The following MAJIN variants were observed in gnomAD, a reference collection of about 807,000 sequenced individuals.
MAJIN encodes the protein membrane-anchored junction protein.
Under a neutral mutation model 30.2 loss-of-function variants are expected in MAJIN, and 27 were observed. The ratio of observed to expected loss-of-function variants is 0.89; its 90% CI spans 0.66 to 1.23. The LOEUF (loss-of-function observed/expected upper bound fraction) is 1.23, where lower values mean the gene tolerates loss of function less well. Among genes scored for constraint, MAJIN ranks in the 50% most tolerant of loss-of-function variants. The probability of loss-of-function intolerance (pLI) is 0.00; values close to 1 mark genes in which losing one functional copy is unlikely to be tolerated. For synonymous variants in MAJIN, 78 were observed against 91.6 expected (o/e 0.85, Z 0.85); for missense variants, 253 against 260.3 (o/e 0.97, Z 0.19).
At chr11:64,954,143 C>A (rs1945596170) in intron 4 of MAJIN, 2 of 159,402 alleles carry the variant, frequency 1.3e-5, no homozygotes, top group South Asian at 3.5e-4. Context: ...AACGGTCACA[C>A]AGCTAAGTGG....
At chr11:64,943,803 T>C (rs1029995118) in intron 8 of MAJIN, among the ~76,000 whole-genome samples, 1 of 152,112 alleles carries the variant, frequency 6.6e-6, no homozygotes, top group Non-Finnish European at 1.5e-5. Flanking sequence ...GCGAGGAAAA[T>C]GTTCCTTTAA....
At chr11:64,949,058 C>G (rs1033578786) in intron 6 of MAJIN, among the ~76,000 whole-genome samples, 1 of 151,062 alleles carries the variant, frequency 6.6e-6, no homozygotes, top group Non-Finnish European at 1.5e-5. Context: ...CACAGTGGCT[C>G]ATGCCTGTAA....
intron 1 of MAJIN, among the ~76,000 whole-genome samples, chr11:64,968,548 C>T (rs563134749): frequency 6.6e-6 from 1 of 151,760 alleles, no homozygotes; most frequent in Non-Finnish European, 1.5e-5. Context: ...AAGCATGAGC[C>T]ATCAGGCCAG....
chr11:64,943,293 C>A (rs187863371), intron 8 of MAJIN, among the ~76,000 whole-genome samples: 45 of 152,310 alleles, frequency 3.0e-4, no homozygotes, highest in African/African-American at 9.6e-4. Context: ...CTTCCAAAGT[C>A]TGGATCTCTA....
chr11:64,938,347 G>T lies in MAJIN; in HGVS notation c.*228C>A. Reference sequence around the variant, plus strand: ...GTTCCATTCTTAATGTTTTAAATTGGGGGAAAAAATCTATTATAAAGGGGC... The same window carrying T: ...GTTCCATTCTTAATGTTTTAAATTGTGGGAAAAAATCTATTATAAAGGGGC... On this transcript the variant is annotated 3_prime_UTR_variant, in exon 11 of 11. Transcript: ENST00000301896. 1 of 639,870 alleles carries T rather than the reference G, an allele frequency of 1.6e-6. No individual in the cohort carries two copies. Among genetic ancestry groups the T allele is most frequent in the Non-Finnish European group, 2.6e-6 (1 of 385,860 alleles). 39.6% of individuals were successfully genotyped at this position (639,870 alleles called of 1,614,324 possible). A position where few individuals can be genotyped will look rare whatever the true frequency, so the allele number is the denominator to read the frequency against.
In MAJIN at chr11:64,940,659, A is replaced by C. The variant is rs920653652; in HGVS notation, c.474-13T>G. The C allele has an allele frequency of 6.2e-7, 1 of 1,613,024 alleles. No individual in the cohort carries two copies. Among genetic ancestry groups the C allele is most frequent in the Non-Finnish European group, 8.5e-7 (1 of 1,179,082 alleles). On this transcript the variant is annotated splice_polypyrimidine_tract_variant and intron_variant, in intron 8 of 10. Coordinates refer to ENST00000301896, the MANE Select transcript of MAJIN (RefSeq NM_001037225.3). The stretch of plus-strand genomic sequence containing the variant: ...TTCTTTCCCTATTCTGTTAAAAAGA[A>C]GACCAAGAAAAGCCTTAAACTTTCC...
At chr11:64,941,124 C>A (rs998570788) in intron 8 of MAJIN, among the ~76,000 whole-genome samples, 15 of 152,226 alleles carry the variant, frequency 9.9e-5, no homozygotes, top group African/African-American at 3.6e-4. Context: ...AGGCGTGAGC[C>A]ACCGTGCCCA....
At chr11:64,949,970 A>C in intron 5 of MAJIN, 102 bp from the exon 6 acceptor site, 1 of 1,438,988 alleles carries the variant, frequency 6.9e-7, no homozygotes. Context: ...TACCCTCCAA[A>C]CTGCCTATGG....
At chr11:64,964,443 C>T (rs1370450040) in intron 1 of MAJIN, among the ~76,000 whole-genome samples, 1 of 152,086 alleles carries the variant, frequency 6.6e-6, no homozygotes, top group African/African-American at 2.4e-5. Flanking sequence ...CAAGATTAGC[C>T]CCTCAAGATT....
chr11:64,960,846 AC>A (rs889998713), intron 1 of MAJIN, among the ~76,000 whole-genome samples: 7 of 152,320 alleles, frequency 4.6e-5, no homozygotes, highest in African/African-American at 1.7e-4. Context: ...GTAAAGAGAT[AC>A]CCCAGTATCT....
At chr11:64,969,648 C>A (rs1247892378) in intron 1 of MAJIN, among the ~76,000 whole-genome samples, 1 of 151,792 alleles carries the variant, frequency 6.6e-6, no homozygotes, top group African/African-American at 2.4e-5. Flanking sequence ...AAAAGGTGAA[C>A]TGATTTGGAA....
intron 7 of MAJIN, 131 bp downstream of exon 7, chr11:64,947,655 TTA>T (rs757286715): frequency 3.7e-6 from 4 of 1,090,026 alleles, no homozygotes; most frequent in Non-Finnish European, 5.6e-6. Flanking sequence ...AAATATGGTC[TTA>T]TGTTTACAAT....
Position 64,940,835 on chromosome 11 carries a change from C to CTTTTTTTTTTTTTTTT in MAJIN, c.474-205_474-190dup, listed in dbSNP as rs1168979344. On this transcript the variant is annotated intron_variant, in intron 8 of 10. Coordinates refer to ENST00000301896, the MANE Select transcript of MAJIN (RefSeq NM_001037225.3). Reference sequence around the variant, plus strand: ...CCTTTTTTCTTTTCTTTTTTTCTTTCTTTTTTTTTTTTTTTTTTTTTGAGA... The same window carrying CTTTTTTTTTTTTTTTT: ...CCTTTTTTCTTTTCTTTTTTTCTTTCTTTTTTTTTTTTTTTTTTTTTTTTTTTTTTTTTTTTTGAGA... 6.1e-4 allele frequency among the ~76,000 whole-genome samples: 54 copies of CTTTTTTTTTTTTTTTT among 88,562 alleles called. 1 individual carries two copies. Among genetic ancestry groups the CTTTTTTTTTTTTTTTT allele is most frequent in the Middle Eastern group, 8.5e-3 (1 of 118 alleles). 58.1% of individuals were successfully genotyped at this position (88,562 alleles called of 152,430 possible). A position where few individuals can be genotyped will look rare whatever the true frequency, so the allele number is the denominator to read the frequency against.
At chr11:64,971,569 G>T (rs1405614164) in intron 1 of MAJIN, among the ~76,000 whole-genome samples, 1 of 152,070 alleles carries the variant, frequency 6.6e-6, no homozygotes, top group Non-Finnish European at 1.5e-5. Context: ...CCCGTACTGT[G>T]TGCCGGTCAC....
At chr11:64,971,294 G>A (rs1488181794) in intron 1 of MAJIN, among the ~76,000 whole-genome samples, 1 of 152,052 alleles carries the variant, frequency 6.6e-6, no homozygotes, top group East Asian at 1.9e-4. Flanking sequence ...AGGAGTGGCG[G>A]CGCATGCCTG....
chr11:64,967,699 A>G (rs1945834040), intron 1 of MAJIN, among the ~76,000 whole-genome samples: 1 of 152,192 alleles, frequency 6.6e-6, no homozygotes, highest in Admixed American at 6.5e-5. Context: ...AGGTGAGACT[A>G]TACAGATAAG....
Position 64,950,387 on chromosome 11 carries a change from G to A in MAJIN, c.191C>T (p.Pro64Leu). 6.2e-7 allele frequency: 1 copy of A among 1,610,552 alleles called. No individual in the cohort carries two copies. The highest frequency in any genetic ancestry group is 8.5e-7 in the Non-Finnish European group (1 of 1,178,298). ...VVLGNLDNLQ[P>L]FATEHFIVFP... ...TACAATGAAGTGTTCTGTAGCAAAG[G>A]GCTGAAGATTGTCCAAGTTTCCCAA... The change falls in exon 5 of 11, where the codon CCC becomes CTC. Residue 64 changes from proline (P) to leucine (L), a missense_variant. Coordinates refer to ENST00000301896, the MANE Select transcript of MAJIN (RefSeq NM_001037225.3).
chr11:64,967,363 A>G (rs1341083395), intron 1 of MAJIN, among the ~76,000 whole-genome samples: 1 of 152,116 alleles, frequency 6.6e-6, no homozygotes, highest in Non-Finnish European at 1.5e-5. Context: ...CCGAGATGAT[A>G]CCATTGCACT....
intron 1 of MAJIN, among the ~76,000 whole-genome samples, chr11:64,967,785 G>C (rs1204582767): frequency 6.6e-6 from 1 of 152,190 alleles, no homozygotes; most frequent in Non-Finnish European, 1.5e-5. Flanking sequence ...TAAGTAACAA[G>C]AGAGACATGA....
Sources: allele counts gnomAD v4.1 joint callset (sites outside exome capture counted in the v4.1 genomes callset), GRCh38; gene constraint gnomAD v4.1.1; transcripts MANE v1.5; gene names NCBI Gene and HGNC (gene_info 2026-07-23, HGNC 2026-07-21).